The following CCDC73 variants were observed in gnomAD, a reference collection of about 807,000 sequenced individuals.
CCDC73 encodes the protein coiled-coil domain containing 73, also known as coiled-coil domain-containing protein 73.
Under a neutral mutation model 116.5 loss-of-function variants are expected in CCDC73, and 95 were observed. That is an observed-to-expected ratio of 0.82 (90% CI 0.69 to 0.97). CCDC73 has a LOEUF of 0.97. Ranked by LOEUF, CCDC73 falls within the 50% of genes least tolerant of loss-of-function variation. The probability of loss-of-function intolerance (pLI) is 0.00; values close to 1 mark genes in which losing one functional copy is unlikely to be tolerated. For missense variants in CCDC73, 1,066 were observed against 1,206.8 expected, an observed-to-expected ratio of 0.88 and a Z score of 1.73; for synonymous variants, 398 against 401.3, an observed-to-expected ratio of 0.99 and a Z score of 0.10.
At chr11:32,645,179 G>C (rs528895074) in intron 12 of CCDC73, among the ~76,000 whole-genome samples, 3 of 151,882 alleles carry the variant, frequency 2.0e-5, no homozygotes, top group Non-Finnish European at 4.4e-5. Flanking sequence ...TTCAGGGACA[G>C]TAATACCCAC....
At chr11:32,702,748 C>T (rs901227282) in intron 4 of CCDC73, 125 bp downstream of exon 4, 1 of 726,518 alleles carries the variant, frequency 1.4e-6, no homozygotes, top group Non-Finnish European at 2.5e-6. Flanking sequence ...TTCCTACTTC[C>T]CATAATACCT....
chr11:32,779,606 G>C (rs1850565506), intron 1 of CCDC73, among the ~76,000 whole-genome samples: 1 of 152,088 alleles, frequency 6.6e-6, no homozygotes, highest in South Asian at 2.1e-4. Flanking sequence ...AGGAGAGTTT[G>C]TGTCCTGACA....
At chr11:32,773,339 A>G (rs1397240775) in intron 1 of CCDC73, among the ~76,000 whole-genome samples, 1 of 152,176 alleles carries the variant, frequency 6.6e-6, no homozygotes, top group Non-Finnish European at 1.5e-5. Context: ...AGGTATTAAA[A>G]TGTTCTAAAA....
At chr11:32,645,971 T>C (rs1855775586) in intron 12 of CCDC73, among the ~76,000 whole-genome samples, 1 of 152,216 alleles carries the variant, frequency 6.6e-6, no homozygotes, top group Non-Finnish European at 1.5e-5. Flanking sequence ...CTTAGTACTT[T>C]AACATTCTAA....
chr11:32,612,250 T>G (rs1855428121), intron 16 of CCDC73, among the ~76,000 whole-genome samples: 1 of 152,150 alleles, frequency 6.6e-6, no homozygotes, highest in East Asian at 1.9e-4. Context: ...AAAGTTCCCT[T>G]AAAATATAAG....
chr11:32,630,225 A>G (rs754852762), intron 14 of CCDC73, among the ~76,000 whole-genome samples: 2 of 152,374 alleles, frequency 1.3e-5, no homozygotes, highest in Non-Finnish European at 1.5e-5. Context: ...TTGGTATAAT[A>G]TTATTGGAAA....
chr11:32,753,091 T>G (rs1850300688), intron 2 of CCDC73, among the ~76,000 whole-genome samples: 1 of 151,848 alleles, frequency 6.6e-6, no homozygotes, highest in Admixed American at 6.6e-5. Context: ...GAATTACAGG[T>G]ATGAGCCACT....
At chr11:32,812,081 A>G in the CCDC73 span, among the ~76,000 whole-genome samples, 1 of 152,148 alleles carries the variant, frequency 6.6e-6, no homozygotes, top group African/African-American at 2.4e-5. Flanking sequence ...ATTTGAAATA[A>G]TGACAAATGG....
At chr11:32,795,159 T>C (rs1371413705), upstream of CCDC73, among the ~76,000 whole-genome samples, 1 of 152,192 alleles carries the variant, frequency 6.6e-6, no homozygotes, top group African/African-American at 2.4e-5. Flanking sequence ...AATGTGTTAC[T>C]AATTCAAAAA....
At chr11:32,661,240 T>C (rs1855919680) in intron 9 of CCDC73, among the ~76,000 whole-genome samples, 1 of 152,116 alleles carries the variant, frequency 6.6e-6, no homozygotes, top group Non-Finnish European at 1.5e-5. Flanking sequence ...GTCAAAAATG[T>C]CCCCTTTTAT....
chr11:32,756,511 TACA>T (rs1264803416), intron 2 of CCDC73, among the ~76,000 whole-genome samples: 2 of 148,722 alleles, frequency 1.3e-5, no homozygotes, highest in African/African-American at 4.9e-5. Context: ...AAAGGTTATT[TACA>T]ACATCAAGTC....
At chr11:32,724,408 A>G (rs1850014081) in intron 2 of CCDC73, among the ~76,000 whole-genome samples, 1 of 152,210 alleles carries the variant, frequency 6.6e-6, no homozygotes, top group South Asian at 2.1e-4. Context: ...TGTGATGCCC[A>G]TTAAATTTTC....
At chr11:32,627,717 A>C (rs1437201712) in intron 14 of CCDC73, among the ~76,000 whole-genome samples, 1 of 152,178 alleles carries the variant, frequency 6.6e-6, no homozygotes, top group Non-Finnish European at 1.5e-5. Flanking sequence ...AACTATCGCA[A>C]GGACAAAAAA....
intron 14 of CCDC73, among the ~76,000 whole-genome samples, chr11:32,628,171 CAG>C (rs1252503060): frequency 6.6e-6 from 1 of 151,984 alleles, no homozygotes; most frequent in Non-Finnish European, 1.5e-5. Context: ...GAACTACAAA[CAG>C]GGAAAATTGC....
At chr11:32,786,946 T>C (rs1487904486) in intron 1 of CCDC73, among the ~76,000 whole-genome samples, 3 of 152,176 alleles carry the variant, frequency 2.0e-5, no homozygotes, top group African/African-American at 7.2e-5. Flanking sequence ...CAAAGCTTTC[T>C]CCATTTAACC....
chr11:32,821,314 C>A, the CCDC73 span, among the ~76,000 whole-genome samples: 1 of 151,988 alleles, frequency 6.6e-6, no homozygotes, highest in Non-Finnish European at 1.5e-5. Context: ...AGAAAATATT[C>A]GCAATATTAA....
At chr11:32,760,003 T>A in intron 2 of CCDC73, 106 bp downstream of exon 2, 2 of 907,394 alleles carry the variant, frequency 2.2e-6, no homozygotes, top group Non-Finnish European at 3.5e-6. Context: ...ATATATTTTA[T>A]TTCTAAACAA....
chr11:32,800,871 T>A, the CCDC73 span, among the ~76,000 whole-genome samples: 1 of 152,156 alleles, frequency 6.6e-6, no homozygotes, highest in African/African-American at 2.4e-5. Flanking sequence ...GGCAAAAAAA[T>A]TGTTATCAGG....
At chr11:32,638,180 G>A (rs1188437004) in intron 13 of CCDC73, among the ~76,000 whole-genome samples, 1 of 152,090 alleles carries the variant, frequency 6.6e-6, no homozygotes, top group East Asian at 1.9e-4. Context: ...AGACTCATAG[G>A]TTCATGATTA....
Sources: allele counts gnomAD v4.1 joint callset (sites outside exome capture counted in the v4.1 genomes callset), GRCh38; gene constraint gnomAD v4.1.1; transcripts MANE v1.5; gene names NCBI Gene and HGNC (gene_info 2026-07-23, HGNC 2026-07-21).